The following OR10H3 variants were observed in gnomAD, a reference collection of about 807,000 sequenced individuals.
The protein encoded by OR10H3 is olfactory receptor 10H3.
Under a neutral mutation model 11.1 loss-of-function variants are expected in OR10H3, and 15 were observed. The observed-to-expected ratio is 1.36, with a 90% CI of 0.91 to 2.09. The LOEUF (loss-of-function observed/expected upper bound fraction) is 2.09. Ranked by LOEUF, OR10H3 falls within the 30% of genes most tolerant of loss-of-function variation. The pLI is 0.00. For synonymous variants in OR10H3, 149 were observed against 142.1 expected (o/e 1.05, Z -0.35); for missense variants, 403 against 391.5 (o/e 1.03, Z -0.25).
At chr19:15,739,457 G>A (rs1273649388) in intron 1 of OR10H3, among the ~76,000 whole-genome samples, 1 of 152,190 alleles carries the variant, frequency 6.6e-6, no homozygotes, top group Non-Finnish European at 1.5e-5. Flanking sequence ...TTGGGAGGCT[G>A]AGGTGGGCGG....
intron 1 of OR10H3, 46 bp from the exon 2 acceptor site, chr19:15,741,336 C>CT: frequency 7.8e-7 from 1 of 1,281,824 alleles, no homozygotes; most frequent in Non-Finnish European, 1.1e-6. Context: ...GTGCTAGAGT[C>CT]TAAGTTTTAA....
Position 15,740,850 on chromosome 19 carries a change from A to G in OR10H3, c.-11-532A>G, listed in dbSNP as rs572175141. Among the ~76,000 whole-genome samples the G allele has an allele frequency of 2.0e-5, 3 of 152,342 alleles. No homozygotes were observed. The East Asian group carries it at 5.8e-4, about 29-fold the overall frequency. ...ATATTCTTCAGACATATATTTACCC[A>G]TCCTTTTATTTTTGAATTTTCTATT... is the stretch of plus-strand genomic sequence containing the variant. On this transcript the variant is annotated intron_variant, in intron 1 of 1. Transcript: ENST00000641646.
At position 15,741,496 on chromosome 19, in the gene OR10H3, T is replaced by C. The variant is rs764746148; in HGVS notation, c.104T>C (p.Met35Thr). The change falls in exon 2 of 2, where the codon ATG becomes ACG. Residue 35 changes from methionine to threonine, a missense_variant. Met to Thr is a moderately conservative substitution (Grantham distance 81). Transcript: ENST00000641646. ...GTCTTGTTCCTGCTGTACCTCCTGA[T>C]GTTCCTGTTCACATTGCTTGGCAAC... is the stretch of plus-strand genomic sequence containing the variant. ...LPVLFLLYLL[M>T]FLFTLLGNLL... 1.9e-6 allele frequency: 3 copies of C among 1,614,098 alleles called. No individual in the cohort carries two copies. The highest frequency in any genetic ancestry group is 2.5e-6 in the Non-Finnish European group (3 of 1,180,030).
Position 15,741,730 on chromosome 19 carries a change from C to A in OR10H3, c.338C>A (p.Ser113Tyr), listed in dbSNP as rs1419437527. ...TCCTTCATGTTTGGCTTCACTCACT[C>A]CTTCCTTCTCATGGTCATGGGCTAT... ...FFSFMFGFTH[S>Y]FLLMVMGYDH... The change falls in exon 2 of 2, where the codon TCC becomes TAC. Residue 113 changes from serine to tyrosine, a missense_variant. Physicochemically the swap from Ser to Tyr is moderately radical, Grantham distance 144. Transcript: ENST00000641646. The A allele has an allele frequency of 6.2e-7, 1 of 1,614,162 alleles. No individual in the cohort carries two copies.
chr19:15,741,939 C>T lies in OR10H3; in HGVS notation c.547C>T (p.Leu183Phe), dbSNP rs138469745. The change falls in exon 2 of 2, where the codon CTT becomes TTT. Residue 183 changes from leucine (L) to phenylalanine (F), a missense_variant. By Grantham distance (22) the Leu-to-Phe change is conservative. Transcript: ENST00000641646. ...GATCCACCATTTTCTCTGTCATGTG[C>T]TTTCCCTCTTGAAGTTGGCCTGTGG... ...NVIHHFLCHV[L>F]SLLKLACGSK... is the part of the protein sequence containing the mutation. The T allele has an allele frequency of 3.1e-5, 50 of 1,614,098 alleles. No individual in the cohort carries two copies. The African/African-American group carries it at 6.3e-4, about 20-fold the overall frequency.
chr19:15,739,191 A>T (rs2008671064), intron 1 of OR10H3, among the ~76,000 whole-genome samples: 1 of 152,106 alleles, frequency 6.6e-6, no homozygotes, highest in Admixed American at 6.5e-5. Context: ...TCTATATCAT[A>T]TTATTATGCT....
Position 15,741,942 on chromosome 19 carries a change from T to A in OR10H3, c.550T>A (p.Ser184Thr). 1 of 1,614,188 alleles carries A rather than the reference T, an allele frequency of 6.2e-7. No individual in the cohort carries two copies. The highest frequency in any genetic ancestry group is 8.5e-7 in the Non-Finnish European group (1 of 1,180,032). Residue 184 changes from serine (S) to threonine (T), a missense_variant, in exon 2 of 2, where the codon TCC becomes ACC. Ser to Thr is a moderately conservative substitution (Grantham distance 58). Coordinates refer to ENST00000641646, the MANE Select transcript of OR10H3 (RefSeq NM_013938.2). ...CCACCATTTTCTCTGTCATGTGCTT[T>A]CCCTCTTGAAGTTGGCCTGTGGGAG... ...VIHHFLCHVL[S>T]LLKLACGSKT...
chr19:15,738,980 C>T (rs2008669196), intron 1 of OR10H3, among the ~76,000 whole-genome samples: 1 of 151,706 alleles, frequency 6.6e-6, no homozygotes, highest in South Asian at 2.1e-4. Flanking sequence ...GTATTTTGAG[C>T]TGTATATTTC....
At chr19:15,740,450 T>G (rs1021810166) in intron 1 of OR10H3, among the ~76,000 whole-genome samples, 1 of 152,190 alleles carries the variant, frequency 6.6e-6, no homozygotes, top group Non-Finnish European at 1.5e-5. Flanking sequence ...ATCCTTTCAA[T>G]ATACCTCTAT....
intron 1 of OR10H3, among the ~76,000 whole-genome samples, chr19:15,740,451 A>G (rs10518251): frequency 0.71 from 107,598 of 152,040 alleles, 38,629 homozygotes; most frequent in Middle Eastern, 0.75. Context: ...TCCTTTCAAT[A>G]TACCTCTATC....
At chr19:15,738,584 GTT>G (rs35160012) in intron 1 of OR10H3, among the ~76,000 whole-genome samples, 3 of 144,146 alleles carry the variant, frequency 2.1e-5, no homozygotes, top group East Asian at 4.0e-4. Flanking sequence ...CTAACCAACT[GTT>G]TTTTTTTTTA....
rs145211320 is a variant in OR10H3 at position 15,741,764 on chromosome 19, C to T, written c.372C>T (p.Tyr124=). The T allele has an allele frequency of 9.4e-5, 152 of 1,614,152 alleles. No individual in the cohort carries two copies. The East Asian group carries it at 1.5e-3, about 16-fold the overall frequency. The change falls in exon 2 of 2, where the codon TAC becomes TAT. Residue 124 remains tyrosine (Y), a synonymous_variant. Coordinates refer to ENST00000641646, the MANE Select transcript of OR10H3 (RefSeq NM_013938.2). ...TCATGGTCATGGGCTATGATCACTACGTGACCATCTGCCACCCACTGCATT... is the reference window on the plus strand; with the variant it reads ...TCATGGTCATGGGCTATGATCACTATGTGACCATCTGCCACCCACTGCATT... ...FLLMVMGYDH[Y]VTICHPLHYN...
chr19:15,742,199 T>G lies in OR10H3; in HGVS notation c.807T>G (p.Ser269=). 1 of 1,614,144 alleles carries G rather than the reference T, an allele frequency of 6.2e-7. No homozygotes were observed. The highest frequency in any genetic ancestry group is 1.3e-5 in the African/African-American group (1 of 75,040). The part of the protein sequence containing the change: ...LIYLKPKGLH[S]MYSDALMATT... ...ACCTCAAACCCAAGGGCCTCCATTC[T>G]ATGTACAGTGATGCCTTGATGGCCA... The change falls in exon 2 of 2, where the codon TCT becomes TCG. Residue 269 remains serine (S), a synonymous_variant. Transcript: ENST00000641646.
rs115417063 is a variant in OR10H3 at position 15,741,584 on chromosome 19, G to A, written c.192G>A (p.Leu64=). The change falls in exon 2 of 2, where the codon TTG becomes TTA. Residue 64 remains leucine (L), a synonymous_variant. Transcript: ENST00000641646. ...TCCACACACCCATGTACCTCTTCTT[G>A]TGTGCCCTCTCCATCTCTGAGATTC... ...RRLHTPMYLF[L]CALSISEILF... is the part of the protein sequence containing the mutation. 1.9e-6 allele frequency: 3 copies of A among 1,613,964 alleles called. No homozygotes were observed. The African/African-American group carries it at 4.0e-5, about 22-fold the overall frequency.
intron 1 of OR10H3, among the ~76,000 whole-genome samples, chr19:15,738,583 T>TG (rs1427950559): frequency 6.4e-5 from 9 of 140,110 alleles, no homozygotes; most frequent in Non-Finnish European, 1.1e-4. Flanking sequence ...TCTAACCAAC[T>TG]GTTTTTTTTT....
intron 1 of OR10H3, among the ~76,000 whole-genome samples, chr19:15,739,688 C>CTCAAAAAAAAAATAA: frequency 6.6e-6 from 1 of 151,574 alleles, no homozygotes; most frequent in Non-Finnish European, 1.5e-5. Context: ...AAGACTCCGT[C>CTCAAAAAAAAAATAA]TCAAAAAAAA....
intron 1 of OR10H3, among the ~76,000 whole-genome samples, chr19:15,739,039 TATC>T (rs2008669609): frequency 6.6e-6 from 1 of 152,118 alleles, no homozygotes; most frequent in Admixed American, 6.5e-5. Flanking sequence ...ATATTTAAAT[TATC>T]ATTTAATTCT....
rs1360264969 is a variant in OR10H3, at chr19:15,741,751, G to C, written c.359G>C (p.Gly120Ala). The stretch of plus-strand genomic sequence containing the variant: ...CACTCCTTCCTTCTCATGGTCATGG[G>C]CTATGATCACTACGTGACCATCTGC... ...FTHSFLLMVM[G>A]YDHYVTICHP... Residue 120 changes from glycine (G) to alanine (A), a missense_variant, in exon 2 of 2, where the codon GGC becomes GCC. By Grantham distance (60) the Gly-to-Ala change is moderately conservative. Coordinates refer to ENST00000641646, the MANE Select transcript of OR10H3 (RefSeq NM_013938.2). 8 of 1,614,056 alleles carry C rather than the reference G, an allele frequency of 5.0e-6. No individual in the cohort carries two copies. Among genetic ancestry groups the C allele is most frequent in the African/African-American group, 1.3e-5 (1 of 75,004 alleles).
intron 1 of OR10H3, among the ~76,000 whole-genome samples, chr19:15,738,315 C>T (rs2008662271): frequency 6.6e-6 from 1 of 151,970 alleles, no homozygotes; most frequent in African/African-American, 2.4e-5. Flanking sequence ...CTGATGTTAA[C>T]CAATCTTGTC....
Sources: allele counts gnomAD v4.1 joint callset (sites outside exome capture counted in the v4.1 genomes callset), GRCh38; gene constraint gnomAD v4.1.1; transcripts MANE v1.5; gene names NCBI Gene and HGNC (gene_info 2026-07-23, HGNC 2026-07-21).